Variants in OR6C74 observed in about 807,000 individuals in gnomAD.
OR6C74 encodes olfactory receptor family 6 subfamily C member 74, also known as olfactory receptor 6C74.
For synonymous variants in OR6C74, 142 were observed against 134.2 expected, an observed-to-expected ratio of 1.06 and a Z score of -0.40; for missense variants, 361 against 362.9, an observed-to-expected ratio of 0.99 and a Z score of 0.04.
At position 55,247,415 on chromosome 12, in the gene OR6C74, T is replaced by C. The variant is rs780455404; in HGVS notation, c.128T>C (p.Ile43Thr). The change falls in exon 2 of 2, where the codon ATC (isoleucine) becomes ACC (threonine). Residue 43 changes from isoleucine to threonine, a missense_variant. Ile to Thr is a moderately conservative substitution (Grantham distance 89). Coordinates refer to ENST00000343399, the MANE Select transcript of OR6C74 (RefSeq NM_001005490.2). ...TTGAGCATCACTGGGAATCTAACCA[T>C]CATCACTCTCACCCTACTGGATTTG... ...YMLSITGNLT[I>T]ITLTLLDLHL... 2 of 1,613,310 alleles carry C rather than the reference T, an allele frequency of 1.2e-6. No homozygotes were observed. Among genetic ancestry groups the C allele is most frequent in the East Asian group, 2.2e-5 (1 of 44,878 alleles).
Position 55,255,753 on chromosome 12 carries a change from CAG to C in OR6C74, c.*7531_*7532del, listed in dbSNP as rs1228866418. 1.3e-5 allele frequency among the ~76,000 whole-genome samples: 2 copies of C among 151,924 alleles called. No individual in the cohort carries two copies. The highest frequency in any genetic ancestry group is 2.4e-5 in the African/African-American group (1 of 41,372). On this transcript the variant is annotated 3_prime_UTR_variant, in exon 2 of 2. Transcript: ENST00000343399. Reference sequence around the variant, plus strand: ...CTCATAAGTGGGAGTTGAACAATGACAGAGAAGAATTTTAAATGCATATTTCT... The same window carrying C: ...CTCATAAGTGGGAGTTGAACAATGACAGAAGAATTTTAAATGCATATTTCT...
In OR6C74 at chr12:55,256,131, C is replaced by T. The variant is rs2136316954; in HGVS notation, c.*7905C>T. ...AGCCAACAGCACATGATGTGCTTCC[C>T]CCTGCAGAGAGCCTACGAACGGACA... On this transcript the variant is annotated 3_prime_UTR_variant, in exon 2 of 2. Transcript: ENST00000343399. 6.6e-6 allele frequency among the ~76,000 whole-genome samples: 1 copy of T among 152,176 alleles called. No individual in the cohort carries two copies. Among genetic ancestry groups the T allele is most frequent in the African/African-American group, 2.4e-5 (1 of 41,534 alleles).
rs1265799330 is a variant in OR6C74 at position 55,251,458 on chromosome 12, A to C, written c.*3232A>C. Among the ~76,000 whole-genome samples the C allele has an allele frequency of 6.6e-6, 1 of 152,042 alleles. No homozygotes were observed. Among genetic ancestry groups the C allele is most frequent in the African/African-American group, 2.4e-5 (1 of 41,438 alleles). On this transcript the variant is annotated 3_prime_UTR_variant, in exon 2 of 2. Transcript: ENST00000343399. ...CCAAGCCGGTGCCTAGTAAGGAATA[A>C]ATAAAATAAATAAGGCAGCAAATGA... is the stretch of plus-strand genomic sequence containing the variant.
At position 55,255,745 on chromosome 12, in the gene OR6C74, A is replaced by G. The variant is rs1954339797; in HGVS notation, c.*7519A>G. On this transcript the variant is annotated 3_prime_UTR_variant, in exon 2 of 2. Transcript: ENST00000343399. The stretch of plus-strand genomic sequence containing the variant: ...TGTTCTCACTCATAAGTGGGAGTTG[A>G]ACAATGACAGAGAAGAATTTTAAAT... Among the ~76,000 whole-genome samples the G allele has an allele frequency of 6.6e-6, 1 of 152,314 alleles. No homozygotes were observed. Among genetic ancestry groups the G allele is most frequent in the Middle Eastern group, 3.4e-3 (1 of 294 alleles).
rs78404696 is a variant in OR6C74, at chr12:55,253,662, C to T, written c.*5436C>T. Reference sequence around the variant, plus strand: ...GCATTTTATAGTCATTGTAATTAAGCTTAGCTCAGAAATGAGGTGGAATAA... The same window carrying T: ...GCATTTTATAGTCATTGTAATTAAGTTTAGCTCAGAAATGAGGTGGAATAA... On this transcript the variant is annotated 3_prime_UTR_variant, in exon 2 of 2. Coordinates refer to ENST00000343399, the MANE Select transcript of OR6C74 (RefSeq NM_001005490.2). Among the ~76,000 whole-genome samples the T allele has an allele frequency of 2.6e-3, 392 of 152,140 alleles. 2 individuals are homozygous for T. The highest frequency in any genetic ancestry group is 8.9e-3 in the African/African-American group (370 of 41,528).
chr12:55,245,886 ATG>A (rs1954267395), intron 1 of OR6C74, among the ~76,000 whole-genome samples: 1 of 152,150 alleles, frequency 6.6e-6, no homozygotes, highest in African/African-American at 2.4e-5. Context: ...TTTTAGAAAA[ATG>A]ATCAACCAAA....
At position 55,247,495 on chromosome 12, in the gene OR6C74, T is replaced by C; in HGVS notation, c.208T>C (p.Ser70Pro). ...CCGAAATTTCTCATTTTTAGAAGTC[T>C]CATTCACAACTGTCTACATTCCCAA... ...FLRNFSFLEV[S>P]FTTVYIPKFL... is the part of the protein sequence containing the mutation. The change falls in exon 2 of 2, where the codon TCA (serine) becomes CCA (proline). Residue 70 changes from serine (S) to proline (P), a missense_variant. Ser to Pro is a moderately conservative substitution (Grantham distance 74, BLOSUM62 -1). Coordinates refer to ENST00000343399, the MANE Select transcript of OR6C74 (RefSeq NM_001005490.2). 1.2e-6 allele frequency: 2 copies of C among 1,613,828 alleles called. No homozygotes were observed. The highest frequency in any genetic ancestry group is 1.1e-5 in the South Asian group (1 of 91,012).
rs1204919378 is a variant in OR6C74 at position 55,256,244 on chromosome 12, T to C, written c.*8018T>C. ...CTGGGAATGGAATGGGACCCTTGTG[T>C]AGAGCCTATAAATGGACGCATTGGG... On this transcript the variant is annotated 3_prime_UTR_variant, in exon 2 of 2. Transcript: ENST00000343399. 6.6e-6 allele frequency among the ~76,000 whole-genome samples: 1 copy of C among 152,026 alleles called. No homozygotes were observed. The highest frequency in any genetic ancestry group is 1.5e-5 in the Non-Finnish European group (1 of 67,976).
chr12:55,250,908 A>G lies in OR6C74; in HGVS notation c.*2682A>G, dbSNP rs1477947632. ...GTAAGTATTAAGACAAGCTAGACTCAAGGTATGTCAATTGTCTATTACATA... is the reference window on the plus strand; with the variant it reads ...GTAAGTATTAAGACAAGCTAGACTCGAGGTATGTCAATTGTCTATTACATA... On this transcript the variant is annotated 3_prime_UTR_variant, in exon 2 of 2. Coordinates refer to ENST00000343399, the MANE Select transcript of OR6C74 (RefSeq NM_001005490.2). Among the ~76,000 whole-genome samples the G allele has an allele frequency of 6.6e-6, 1 of 152,054 alleles. No homozygotes were observed. The highest frequency in any genetic ancestry group is 2.4e-5 in the African/African-American group (1 of 41,422).
rs1468134677 is a variant in OR6C74 at position 55,250,365 on chromosome 12, C to T, written c.*2139C>T. ...AAACTTTTTCTCCCCTTTTTTAATCCAAAAATGAATTATTGACAATTTTGT... is the reference window on the plus strand; with the variant it reads ...AAACTTTTTCTCCCCTTTTTTAATCTAAAAATGAATTATTGACAATTTTGT... On this transcript the variant is annotated 3_prime_UTR_variant, in exon 2 of 2. Coordinates refer to ENST00000343399, the MANE Select transcript of OR6C74 (RefSeq NM_001005490.2). Among the ~76,000 whole-genome samples, 2 of 151,582 alleles carry T rather than the reference C, an allele frequency of 1.3e-5. No homozygotes were observed. The highest frequency in any genetic ancestry group is 2.9e-5 in the Non-Finnish European group (2 of 67,862).
rs1954302124 is a variant in OR6C74 at position 55,249,927 on chromosome 12, C to T, written c.*1701C>T. Reference sequence around the variant, plus strand: ...CCTCTCCCCCCACCTCACAGCAGGCCCCGGTGTGTGATGTTCGCCTTCCTG... The same window carrying T: ...CCTCTCCCCCCACCTCACAGCAGGCTCCGGTGTGTGATGTTCGCCTTCCTG... On this transcript the variant is annotated 3_prime_UTR_variant, in exon 2 of 2. Coordinates refer to ENST00000343399, the MANE Select transcript of OR6C74 (RefSeq NM_001005490.2). Among the ~76,000 whole-genome samples, 1 of 152,008 alleles carries T rather than the reference C, an allele frequency of 6.6e-6. No individual in the cohort carries two copies. The highest frequency in any genetic ancestry group is 1.5e-5 in the Non-Finnish European group (1 of 68,006).
At chr12:55,245,724 T>C (rs1592243730) in intron 1 of OR6C74, among the ~76,000 whole-genome samples, 1 of 152,188 alleles carries the variant, frequency 6.6e-6, no homozygotes, top group Non-Finnish European at 1.5e-5. Flanking sequence ...ACAGTGTCCA[T>C]ATAAATTACT....
In OR6C74 at chr12:55,250,685, C is replaced by T. The variant is rs1263358185; in HGVS notation, c.*2459C>T. On this transcript the variant is annotated 3_prime_UTR_variant, in exon 2 of 2. Transcript: ENST00000343399. ...AAATCTCATTTGTTCACCTGTTTAA[C>T]TCATTTCTAATATTCATTTTTCTGG... Among the ~76,000 whole-genome samples the T allele has an allele frequency of 1.3e-5, 2 of 151,938 alleles. No individual in the cohort carries two copies. The highest frequency in any genetic ancestry group is 2.9e-5 in the Non-Finnish European group (2 of 67,948).
chr12:55,248,182 T>G lies in OR6C74; in HGVS notation c.895T>G (p.Phe299Val). 6.2e-6 allele frequency: 10 copies of G among 1,613,050 alleles called. No homozygotes were observed. Among genetic ancestry groups the G allele is most frequent in the Non-Finnish European group, 7.6e-6 (9 of 1,179,460 alleles). ...GAGAAACAAACAAGTAAAAGATGTT[T>G]TTAAGCACACAGTCAAAAAGATTGA... is the stretch of plus-strand genomic sequence containing the variant. The part of the protein sequence containing the change: ...TLRNKQVKDV[F>V]KHTVKKIELF... Residue 299 changes from phenylalanine (F) to valine (V), a missense_variant, in exon 2 of 2, where the codon TTT (phenylalanine) becomes GTT (valine). Phe to Val is a conservative substitution (Grantham distance 50). Coordinates refer to ENST00000343399, the MANE Select transcript of OR6C74 (RefSeq NM_001005490.2).
Position 55,251,759 on chromosome 12 carries a change from T to C in OR6C74, c.*3533T>C. On this transcript the variant is annotated 3_prime_UTR_variant, in exon 2 of 2. Coordinates refer to ENST00000343399, the MANE Select transcript of OR6C74 (RefSeq NM_001005490.2). ...TATCATACATATCTCAAAAATTCTGTTTAGTTTTATCCTTTAAAAATCTTT... is the reference window on the plus strand; with the variant it reads ...TATCATACATATCTCAAAAATTCTGCTTAGTTTTATCCTTTAAAAATCTTT... Among the ~76,000 whole-genome samples, 1 of 151,882 alleles carries C rather than the reference T, an allele frequency of 6.6e-6. No individual in the cohort carries two copies. The highest frequency in any genetic ancestry group is 1.9e-4 in the East Asian group (1 of 5,190).
In OR6C74 at chr12:55,253,741, G is replaced by C. The variant is rs914898018; in HGVS notation, c.*5515G>C. Among the ~76,000 whole-genome samples, 1 of 151,976 alleles carries C rather than the reference G, an allele frequency of 6.6e-6. No homozygotes were observed. Among genetic ancestry groups the C allele is most frequent in the African/African-American group, 2.4e-5 (1 of 41,400 alleles). ...TCACTGTACGATTTTCTTGGGAAAG[G>C]ACCACATATCTATTGAAGGACACTA... On this transcript the variant is annotated 3_prime_UTR_variant, in exon 2 of 2. Transcript: ENST00000343399.
At position 55,255,450 on chromosome 12, in the gene OR6C74, C is replaced by T. The variant is rs1165553072; in HGVS notation, c.*7224C>T. Among the ~76,000 whole-genome samples the T allele has an allele frequency of 6.6e-6, 1 of 152,066 alleles. No individual in the cohort carries two copies. The highest frequency in any genetic ancestry group is 1.5e-5 in the Non-Finnish European group (1 of 68,008). On this transcript the variant is annotated 3_prime_UTR_variant, in exon 2 of 2. Coordinates refer to ENST00000343399, the MANE Select transcript of OR6C74 (RefSeq NM_001005490.2). ...CAGCAATCCCATTACTGGGTATATA[C>T]CCAAAGGATTATAAATCATTCTACT... is the stretch of plus-strand genomic sequence containing the variant.
Position 55,247,642 on chromosome 12 carries a change from G to GAGC in OR6C74, c.356_358dup (p.Glu119_Arg120insGln). ...TTTTCTTCTGGCTGCCATGTCCTAT[G>GAGC]AGCGCTATGTGGCCATCTGCAAACC... On this transcript the variant is annotated inframe_insertion, in exon 2 of 2. Transcript: ENST00000343399. 1 of 1,613,876 alleles carries GAGC rather than the reference G, an allele frequency of 6.2e-7. No homozygotes were observed. The highest frequency in any genetic ancestry group is 8.5e-7 in the Non-Finnish European group (1 of 1,179,928).
Position 55,252,331 on chromosome 12 carries a change from T to C in OR6C74, c.*4105T>C, listed in dbSNP as rs532663342. ...TTATGTGGGTTGTTGTAGTGCAAAG[T>C]TAATGCTTCACAATAATGTGGATCC... On this transcript the variant is annotated 3_prime_UTR_variant, in exon 2 of 2. Transcript: ENST00000343399. Among the ~76,000 whole-genome samples the C allele has an allele frequency of 6.6e-6, 1 of 151,956 alleles. No homozygotes were observed. The highest frequency in any genetic ancestry group is 2.1e-4 in the South Asian group (1 of 4,824).
Sources: gnomAD v4.1 joint callset for allele counts (sites outside exome capture counted in the v4.1 genomes callset) on GRCh38, gnomAD v4.1.1 for gene constraint, MANE v1.5 for transcripts, NCBI Gene and HGNC (gene_info 2026-07-23, HGNC 2026-07-21) for gene names.